Variants in AKR1C8 observed in about 807,000 individuals in gnomAD.
The protein encoded by AKR1C8 is aldo-keto reductase family 1 member C8.
chr10:5,135,629 GATTA>G, the AKR1C8 span, among the ~76,000 whole-genome samples: 1 of 151,956 alleles, frequency 6.6e-6, no homozygotes, highest in African/African-American at 2.4e-5. Context: ...TTTATAGAAT[GATTA>G]ATTATCATAT....
At chr10:5,154,936 C>T in the AKR1C8 span, 1 of 152,148 alleles carries the variant, frequency 6.6e-6, no homozygotes, top group African/African-American at 2.4e-5. Context: ...AGAGTCATGC[C>T]TTGAGGATCC....
At chr10:5,158,460 G>A in the AKR1C8 span, 1 of 361,152 alleles carries the variant, frequency 2.8e-6, no homozygotes, top group Non-Finnish European at 5.5e-6. Flanking sequence ...AGTGATACAT[G>A]GGAACAAACT....
chr10:5,143,806 A>G, the AKR1C8 span, among the ~76,000 whole-genome samples: 1 of 150,498 alleles, frequency 6.6e-6, no homozygotes, highest in South Asian at 2.1e-4. Flanking sequence ...TGATTTTGGC[A>G]GTGGAAGTGG....
At chr10:5,157,605 CACTCTGGAGCGACTCTGCTCA>C in the AKR1C8 span, 1 of 461,940 alleles carries the variant, frequency 2.2e-6, no homozygotes, top group East Asian at 7.0e-5. Context: ...ACCCATGGCT[CACTCTGGAGCGACTCTGCTCA>C]ACCTTTACCT....
the AKR1C8 span, chr10:5,155,570 A>G: frequency 2.9e-6 from 1 of 349,846 alleles, no homozygotes; most frequent in South Asian, 2.4e-5. Context: ...ATTTCACCCC[A>G]TGCCTGAATT....
the AKR1C8 span, among the ~76,000 whole-genome samples, chr10:5,176,553 A>G: frequency 1.0e-3 from 155 of 150,762 alleles, 1 homozygote; most frequent in African/African-American, 3.5e-3. Context: ...CATTGAATCT[A>G]TAAATTACCT....
chr10:5,177,651 T>A, the AKR1C8 span, among the ~76,000 whole-genome samples: 9 of 152,180 alleles, frequency 5.9e-5, no homozygotes, highest in African/African-American at 2.2e-4. Context: ...TTGCCACAAT[T>A]TCAGAACCTG....
the AKR1C8 span, among the ~76,000 whole-genome samples, chr10:5,143,005 G>T: frequency 6.6e-6 from 1 of 152,108 alleles, no homozygotes; most frequent in East Asian, 1.9e-4. Flanking sequence ...AATTTATAAG[G>T]AATATATCAA....
chr10:5,139,720 C>A, the AKR1C8 span, among the ~76,000 whole-genome samples: 5 of 152,190 alleles, frequency 3.3e-5, no homozygotes, highest in South Asian at 1.0e-3. Context: ...CTAGGCAATA[C>A]CATTCAGGAC....
the AKR1C8 span, among the ~76,000 whole-genome samples, chr10:5,153,855 G>C: frequency 6.6e-6 from 1 of 152,142 alleles, no homozygotes; most frequent in South Asian, 2.1e-4. Flanking sequence ...CAGACATGTT[G>C]TTTAGAAAAA....
At chr10:5,146,284 A>C in the AKR1C8 span, among the ~76,000 whole-genome samples, 3 of 152,050 alleles carry the variant, frequency 2.0e-5, no homozygotes, top group African/African-American at 7.2e-5. Context: ...CCAGCATGGC[A>C]CATGTATACG....
the AKR1C8 span, chr10:5,123,588 A>T: frequency 1.1e-6 from 1 of 921,818 alleles, no homozygotes; most frequent in Non-Finnish European, 1.6e-6. Context: ...GGATCTCGTC[A>T]GAAATGCAAA....
the AKR1C8 span, among the ~76,000 whole-genome samples, chr10:5,119,520 T>A: frequency 6.6e-6 from 1 of 152,184 alleles, no homozygotes; most frequent in African/African-American, 2.4e-5. Context: ...AATTACACAT[T>A]ATTTTTGTTC....
At chr10:5,153,019 G>T in the AKR1C8 span, among the ~76,000 whole-genome samples, 5 of 152,110 alleles carry the variant, frequency 3.3e-5, no homozygotes, top group East Asian at 5.8e-4. Flanking sequence ...TATCAAATAT[G>T]CAGCAATGTT....
chr10:5,154,191 G>A, the AKR1C8 span: 62 of 470,114 alleles, frequency 1.3e-4, 1 homozygote, highest in African/African-American at 1.2e-3. Flanking sequence ...CACTGAAAGA[G>A]AAAAAATATT....
the AKR1C8 span, among the ~76,000 whole-genome samples, chr10:5,166,992 T>C: frequency 4.0e-5 from 6 of 150,746 alleles, no homozygotes; most frequent in East Asian, 5.8e-4. Context: ...GAGACGCTTC[T>C]CAAAAGAAGA....
chr10:5,167,050 T>C, the AKR1C8 span, among the ~76,000 whole-genome samples: 74 of 152,194 alleles, frequency 4.9e-4, 1 homozygote, highest in East Asian at 0.012. Context: ...TCATCACTGG[T>C]CATCAGAGAA....
chr10:5,140,057 C>T, the AKR1C8 span, among the ~76,000 whole-genome samples: 1 of 152,136 alleles, frequency 6.6e-6, no homozygotes, highest in Non-Finnish European at 1.5e-5. Context: ...TGCTCATCAT[C>T]ACTGGTCATC....
the AKR1C8 span, among the ~76,000 whole-genome samples, chr10:5,166,099 C>T: frequency 1.3e-5 from 2 of 151,850 alleles, no homozygotes; most frequent in Admixed American, 1.3e-4. Context: ...TTTCTCCTCC[C>T]TTGTCTAGAT....
Sources: allele counts gnomAD v4.1 joint callset (sites outside exome capture counted in the v4.1 genomes callset), GRCh38; gene constraint gnomAD v4.1.1; transcripts MANE v1.5; gene names NCBI Gene and HGNC (gene_info 2026-07-23, HGNC 2026-07-21).